The following ABCB5 variants were observed in gnomAD, a reference collection of about 807,000 sequenced individuals.
ABCB5 encodes the protein ATP binding cassette subfamily B member 5, also known as ATP-binding cassette sub-family B member 5.
Under a neutral mutation model 144.2 loss-of-function variants are expected in ABCB5, and 155 were observed. The observed-to-expected ratio is 1.08, with a 90% CI of 0.94 to 1.23. ABCB5 has a LOEUF of 1.23. Among genes scored for constraint, ABCB5 ranks in the 50% most tolerant of loss-of-function variants. The pLI, the probability that ABCB5 is intolerant of heterozygous loss-of-function variation, is 0.00. For missense variants in ABCB5, 1,830 were observed against 1,520.8 expected, an observed-to-expected ratio of 1.20 and a Z score of -3.38; for synonymous variants, 610 against 528.6, an observed-to-expected ratio of 1.15 and a Z score of -2.11.
chr7:20,723,628 T>A (rs1221768012), intron 21 of ABCB5, among the ~76,000 whole-genome samples: 1 of 152,204 alleles, frequency 6.6e-6, no homozygotes, highest in Non-Finnish European at 1.5e-5. Flanking sequence ...GCAAAACACT[T>A]AGAACAGTGT....
At chr7:20,718,504 G>C (rs1781760622) in intron 20 of ABCB5, among the ~76,000 whole-genome samples, 1 of 151,968 alleles carries the variant, frequency 6.6e-6, no homozygotes, top group African/African-American at 2.4e-5. Context: ...TTACTTTTTT[G>C]AAATTTCCTT....
chr7:20,664,091 G>C (rs1199798950), intron 14 of ABCB5, among the ~76,000 whole-genome samples: 1 of 151,320 alleles, frequency 6.6e-6, no homozygotes, highest in Non-Finnish European at 1.5e-5. Context: ...CAAAAGAACA[G>C]TGAAAAAAAA....
At chr7:20,715,319 T>C (rs6944236) in intron 20 of ABCB5, among the ~76,000 whole-genome samples, 4,322 of 152,236 alleles carry the variant, frequency 0.028, 186 homozygotes, top group African/African-American at 0.094. Flanking sequence ...GTGCTAGGAT[T>C]ACAGGTGTGA....
At chr7:20,702,360 T>C (rs1184686112) in intron 19 of ABCB5, among the ~76,000 whole-genome samples, 1 of 152,166 alleles carries the variant, frequency 6.6e-6, no homozygotes, top group Non-Finnish European at 1.5e-5. Flanking sequence ...TTGATGGTGA[T>C]CACTAAGGGG....
At chr7:20,674,734 G>T (rs1454918671) in intron 14 of ABCB5, among the ~76,000 whole-genome samples, 2 of 140,210 alleles carry the variant, frequency 1.4e-5, no homozygotes, top group African/African-American at 2.7e-5. Flanking sequence ...CTTAAAATTT[G>T]AAAACTCTAA....
At chr7:20,698,137 T>G (rs147608174) in intron 16 of ABCB5, among the ~76,000 whole-genome samples, 128 of 152,254 alleles carry the variant, frequency 8.4e-4, no homozygotes, top group African/African-American at 2.9e-3. Context: ...TACATGTGAG[T>G]TAACTGTACT....
chr7:20,681,625 A>G lies in ABCB5; in HGVS notation c.1828A>G (p.Met610Val), dbSNP rs1487273953. The G allele has an allele frequency of 6.2e-7, 1 of 1,614,202 alleles. No homozygotes were observed. Residue 610 changes from methionine to valine, a missense_variant, in exon 15 of 28, where the codon ATG becomes GTG. Transcript: ENST00000404938. ...GGAGAAAGGAGCACATGCTGAACTAATGGCAAAACGAGGTCTATATTATTC... is the reference window on the plus strand; with the variant it reads ...GGAGAAAGGAGCACATGCTGAACTAGTGGCAAAACGAGGTCTATATTATTC... The part of the protein sequence containing the change: ...LAEKGAHAEL[M>V]AKRGLYYSLV...
At chr7:20,640,160 C>T (rs115934727) in intron 5 of ABCB5, among the ~76,000 whole-genome samples, 4 of 151,990 alleles carry the variant, frequency 2.6e-5, no homozygotes, top group African/African-American at 9.7e-5. Context: ...TCCATCCTAT[C>T]CTTGAATAGT....
At chr7:20,644,707 T>C (rs1273871432) in intron 7 of ABCB5, among the ~76,000 whole-genome samples, 1 of 152,232 alleles carries the variant, frequency 6.6e-6, no homozygotes, top group African/African-American at 2.4e-5. Context: ...GCAACACTAA[T>C]CATTCTTTAT....
In ABCB5 at chr7:20,655,290, G is replaced by C. The variant is rs1373215611; in HGVS notation, c.1537-3216G>C. On this transcript the variant is annotated intron_variant, in intron 13 of 27. Transcript: ENST00000404938. ...AGTTTGTTACCAGCCTGGACAACAT[G>C]GCAAAACCCTGTCTCTACTAAAAAT... Among the ~76,000 whole-genome samples the C allele has an allele frequency of 2.6e-5, 4 of 152,254 alleles. No individual in the cohort carries two copies. In the South Asian group the frequency reaches 6.2e-4, roughly 24 times the overall value.
chr7:20,704,001 T>G (rs1359506689), intron 19 of ABCB5, among the ~76,000 whole-genome samples: 4 of 151,874 alleles, frequency 2.6e-5, no homozygotes, highest in Admixed American at 6.6e-5. Context: ...GAGAAAGAGA[T>G]AGACTTTTTA....
chr7:20,711,872 C>T (rs541835025), intron 20 of ABCB5, among the ~76,000 whole-genome samples: 2,874 of 90,094 alleles, frequency 0.032, 301 homozygotes, highest in Middle Eastern at 0.1. Flanking sequence ...CTTCCTCCCT[C>T]CCTCCCTCCC....
chr7:20,620,280 A>G (rs1783781034), intron 1 of ABCB5, among the ~76,000 whole-genome samples: 1 of 152,204 alleles, frequency 6.6e-6, no homozygotes, highest in African/African-American at 2.4e-5. Flanking sequence ...CCTAATCATA[A>G]GTGTGAAAAT....
At chr7:20,669,033 G>A (rs1225923154) in intron 14 of ABCB5, among the ~76,000 whole-genome samples, 10 of 135,694 alleles carry the variant, frequency 7.4e-5, no homozygotes, top group African/African-American at 2.9e-4. Flanking sequence ...GGGCGCCTCT[G>A]CCCGGCCGCC....
At chr7:20,645,715 A>C in intron 7 of ABCB5, 41 bp from the exon 8 acceptor site, 2 of 1,609,960 alleles carry the variant, frequency 1.2e-6, no homozygotes, top group Non-Finnish European at 1.7e-6. Context: ...CATTATTACT[A>C]CACAGAGTCA....
intron 19 of ABCB5, among the ~76,000 whole-genome samples, chr7:20,704,080 T>TTTTTTTTTTC (rs1786731470): frequency 8.1e-6 from 1 of 123,240 alleles, no homozygotes; most frequent in Non-Finnish European, 1.7e-5. Context: ...CCTTCCTTTT[T>TTTTTTTTTTC]TTTTTTTTTT....
At chr7:20,694,759 G>C (rs1342371982) in intron 16 of ABCB5, among the ~76,000 whole-genome samples, 2 of 151,948 alleles carry the variant, frequency 1.3e-5, no homozygotes, top group Non-Finnish European at 2.9e-5. Flanking sequence ...TGTAGAATAT[G>C]TGACAATATA....
intron 14 of ABCB5, among the ~76,000 whole-genome samples, chr7:20,679,177 T>C (rs1785706407): frequency 6.7e-6 from 1 of 150,210 alleles, no homozygotes. Flanking sequence ...ATTAAGAGAG[T>C]GAAAAGAAAG....
chr7:20,718,056 C>G (rs1781742270), intron 20 of ABCB5, among the ~76,000 whole-genome samples: 2 of 150,040 alleles, frequency 1.3e-5, no homozygotes, highest in African/African-American at 4.9e-5. Flanking sequence ...CGCCCGCCAC[C>G]ACGCCTGGCT....
Sources: allele counts gnomAD v4.1 joint callset (sites outside exome capture counted in the v4.1 genomes callset), GRCh38; gene constraint gnomAD v4.1.1; transcripts MANE v1.5; gene names NCBI Gene and HGNC (gene_info 2026-07-23, HGNC 2026-07-21).